Variants in RIMS2 observed in about 807,000 individuals in gnomAD.
The protein encoded by RIMS2 is regulating synaptic membrane exocytosis protein 2.
Under a neutral mutation model 174.4 loss-of-function variants are expected in RIMS2, and 59 were observed. The observed-to-expected ratio is 0.34, with a 90% CI of 0.27 to 0.42. The LOEUF (loss-of-function observed/expected upper bound fraction) is 0.42. RIMS2 is among the 10% of genes least tolerant of loss of function. The pLI is 1.00. For synonymous variants in RIMS2, 606 were observed against 572.5 expected, an observed-to-expected ratio of 1.06 and a Z score of -0.84; for missense variants, 1,620 against 1,666.3, an observed-to-expected ratio of 0.97 and a Z score of 0.48.
intron 6 of RIMS2, among the ~76,000 whole-genome samples, chr8:103,915,242 T>C (rs1214148942): frequency 1.3e-5 from 2 of 152,068 alleles, no homozygotes; most frequent in Non-Finnish European, 1.5e-5. Flanking sequence ...AATTGTTATG[T>C]TGTTTCTAAG....
At chr8:104,105,439 A>G (rs2098027855) in intron 19 of RIMS2, among the ~76,000 whole-genome samples, 1 of 152,218 alleles carries the variant, frequency 6.6e-6, no homozygotes, top group Non-Finnish European at 1.5e-5. Flanking sequence ...TGCATTGTGC[A>G]TAGTGAAAAG....
intron 1 of RIMS2, among the ~76,000 whole-genome samples, chr8:103,614,717 T>C (rs2095466508): frequency 6.6e-6 from 1 of 152,220 alleles, no homozygotes; most frequent in Admixed American, 6.5e-5. Context: ...AAAGTGATCA[T>C]CACAAAGGAG....
chr8:103,689,404 T>C (rs1486876492), intron 1 of RIMS2, among the ~76,000 whole-genome samples: 2 of 152,124 alleles, frequency 1.3e-5, no homozygotes, highest in African/African-American at 2.4e-5. Context: ...GTCTGATGTT[T>C]CTTTGTTTAT....
intron 19 of RIMS2, among the ~76,000 whole-genome samples, chr8:104,183,827 T>A (rs975774793): frequency 4.0e-5 from 6 of 151,630 alleles, no homozygotes; most frequent in Non-Finnish European, 7.4e-5. Context: ...TTAATTTATG[T>A]ATCATCACCA....
intron 19 of RIMS2, among the ~76,000 whole-genome samples, chr8:104,107,115 C>T (rs2098085391): frequency 6.6e-6 from 1 of 152,058 alleles, no homozygotes; most frequent in Non-Finnish European, 1.5e-5. Flanking sequence ...CATATCTTGA[C>T]TTCAACCCTT....
At chr8:103,924,295 TATAGTGCTAGTCACTGCAA>T (rs1458251353) in intron 10 of RIMS2, among the ~76,000 whole-genome samples, 14 of 151,716 alleles carry the variant, frequency 9.2e-5, no homozygotes, top group African/African-American at 3.4e-4. Flanking sequence ...CCACATCAGG[TATAGTGCTAGTCACTGCAA>T]ATACAAGTTT....
chr8:103,871,467 A>G (rs2099111395), intron 3 of RIMS2, among the ~76,000 whole-genome samples: 1 of 152,164 alleles, frequency 6.6e-6, no homozygotes, highest in African/African-American at 2.4e-5. Context: ...TTGTGGATAC[A>G]AATGTGTAGA....
intron 1 of RIMS2, among the ~76,000 whole-genome samples, chr8:103,595,796 T>G (rs943895113): frequency 6.6e-6 from 1 of 152,006 alleles, no homozygotes; most frequent in Non-Finnish European, 1.5e-5. Context: ...GTATGGTATT[T>G]AGTCGTAGTA....
intron 3 of RIMS2, among the ~76,000 whole-genome samples, chr8:103,799,123 G>A (rs559565215): frequency 7.2e-5 from 11 of 152,114 alleles, no homozygotes; most frequent in East Asian, 3.9e-4. Context: ...CAACCACAAC[G>A]TGAATTCTGC....
intron 19 of RIMS2, among the ~76,000 whole-genome samples, chr8:104,170,093 A>C (rs112266116): frequency 3.3e-5 from 5 of 152,026 alleles, no homozygotes; most frequent in Non-Finnish European, 7.4e-5. Context: ...CATGTTGTCT[A>C]TCTTGGAGAA....
At chr8:104,130,427 T>A (rs1046396719) in intron 19 of RIMS2, among the ~76,000 whole-genome samples, 14 of 152,186 alleles carry the variant, frequency 9.2e-5, no homozygotes, top group African/African-American at 3.4e-4. Context: ...CTGAATCCTG[T>A]AGCTGACTGA....
At chr8:103,687,525 G>A (rs1173354309) in intron 1 of RIMS2, among the ~76,000 whole-genome samples, 3 of 151,804 alleles carry the variant, frequency 2.0e-5, no homozygotes, top group Non-Finnish European at 4.4e-5. Flanking sequence ...ACTTATTTTT[G>A]TGGTGAGAAC....
rs1466593298 is a variant in RIMS2, at chr8:103,910,308, C to G, written c.1692+107C>G. 1 of 1,391,382 alleles carries G rather than the reference C, an allele frequency of 7.2e-7. No individual in the cohort carries two copies. The highest frequency in any genetic ancestry group is 1.9e-5 in the Admixed American group (1 of 51,744). The allele number at this position is 1,391,382 out of a possible 1,614,324, so 86.2% of individuals were successfully genotyped here. A position where few individuals can be genotyped will look rare whatever the true frequency, so the allele number is the denominator to read the frequency against. Reference sequence around the variant, plus strand: ...TTTTGTATCTTTTTTTTTTTTTTATCCCATACCTGTAGGGGACAGTCAAAA... The same window carrying G: ...TTTTGTATCTTTTTTTTTTTTTTATGCCATACCTGTAGGGGACAGTCAAAA... On this transcript the variant is annotated intron_variant, in intron 5 of 23. Coordinates refer to ENST00000504942, the Ensembl canonical transcript of RIMS2.
chr8:103,973,976 C>T (rs182976736), intron 15 of RIMS2, among the ~76,000 whole-genome samples: 51 of 152,308 alleles, frequency 3.3e-4, no homozygotes, highest in African/African-American at 1.2e-3. Context: ...TGACTCTCCA[C>T]TGGCAGTCTT....
chr8:103,935,286 A>G (rs1056935772), intron 12 of RIMS2, among the ~76,000 whole-genome samples: 5 of 152,176 alleles, frequency 3.3e-5, no homozygotes, highest in Admixed American at 6.6e-5. Flanking sequence ...TTTTCTGCCA[A>G]TGCCTTCGTG....
At position 104,115,365 on chromosome 8, in the gene RIMS2, C is replaced by T. The variant is rs146718911; in HGVS notation, c.3334+100750C>T. On this transcript the variant is annotated intron_variant, in intron 19 of 23. Coordinates refer to ENST00000504942, the Ensembl canonical transcript of RIMS2. ...ATAATGAGAATTACATGCAGTAAAA[C>T]GATCTTTGAAATGGTTCAGTGAGGA... 4.2e-3 allele frequency among the ~76,000 whole-genome samples: 645 copies of T among 151,830 alleles called. 2 individuals carry two copies. The highest frequency in any genetic ancestry group is 0.012 in the South Asian group (58 of 4,806).
At chr8:103,811,004 C>G (rs879308588) in intron 3 of RIMS2, among the ~76,000 whole-genome samples, 6 of 152,100 alleles carry the variant, frequency 3.9e-5, no homozygotes, top group Admixed American at 6.6e-5. Context: ...CTCAAGGAAT[C>G]TAGGTGTACT....
At chr8:103,850,518 T>G (rs1434389517) in intron 3 of RIMS2, among the ~76,000 whole-genome samples, 1 of 152,022 alleles carries the variant, frequency 6.6e-6, no homozygotes, top group African/African-American at 2.4e-5. Flanking sequence ...TCTTCCAATG[T>G]AGCTCCTTGG....
At chr8:103,730,329 G>T (rs1208326077) in intron 2 of RIMS2, among the ~76,000 whole-genome samples, 1 of 151,476 alleles carries the variant, frequency 6.6e-6, no homozygotes, top group Non-Finnish European at 1.5e-5. Context: ...CTATTTCTGG[G>T]TGCTCCAGTG....
Sources: allele counts gnomAD v4.1 joint callset (sites outside exome capture counted in the v4.1 genomes callset), GRCh38; gene constraint gnomAD v4.1.1; transcripts MANE v1.5; gene names NCBI Gene and HGNC (gene_info 2026-07-23, HGNC 2026-07-21).